RBFOX1: variants seen among roughly 807,000 people sequenced by gnomAD.
RBFOX1 encodes RNA binding fox-1 homolog 1.
Under a neutral mutation model 57.7 loss-of-function variants are expected in RBFOX1, and 8 were observed. The ratio of observed to expected loss-of-function variants is 0.14; its 90% CI spans 0.08 to 0.25. The LOEUF is 0.25. Ranked by LOEUF, RBFOX1 falls within the 10% of genes least tolerant of loss-of-function variation. The probability of loss-of-function intolerance (pLI) is 1.00; values close to 1 mark genes in which losing one functional copy is unlikely to be tolerated. For synonymous variants in RBFOX1, 326 were observed against 222.4 expected (o/e 1.47, Z -4.15); for missense variants, 611 against 548.5 (o/e 1.11, Z -1.14).
chr16:7,278,101 C>A (rs955295193), intron 4 of RBFOX1, among the ~76,000 whole-genome samples: 5 of 152,122 alleles, frequency 3.3e-5, no homozygotes, highest in African/African-American at 1.2e-4. Context: ...CTTAATGAAT[C>A]CATAGTGGTA....
intron 5 of RBFOX1, among the ~76,000 whole-genome samples, chr16:7,565,038 G>T (rs1036076286): frequency 2.0e-5 from 3 of 152,148 alleles, no homozygotes; most frequent in Admixed American, 6.5e-5. Flanking sequence ...TTTGTTTGCC[G>T]ACGGAGCTCA....
chr16:5,281,849 T>A (rs1191817183), intron 1 of RBFOX1, among the ~76,000 whole-genome samples: 1 of 152,268 alleles, frequency 6.6e-6, no homozygotes, highest in Non-Finnish European at 1.5e-5. Context: ...TAGATGTTGT[T>A]GGATCATTTT....
upstream of RBFOX1, among the ~76,000 whole-genome samples, chr16:6,017,350 A>G (rs2095000895): frequency 6.6e-6 from 1 of 152,188 alleles, no homozygotes; most frequent in Non-Finnish European, 1.5e-5. Flanking sequence ...TTTTAAATTG[A>G]GAATACCTCT....
At chr16:7,309,712 C>T (rs912332636) in intron 4 of RBFOX1, among the ~76,000 whole-genome samples, 2 of 152,192 alleles carry the variant, frequency 1.3e-5, no homozygotes, top group South Asian at 2.1e-4. Context: ...CGGGTGAAAA[C>T]AGTGTAGTTT....
chr16:6,474,359 A>G (rs2095239933), intron 2 of RBFOX1, among the ~76,000 whole-genome samples: 2 of 152,324 alleles, frequency 1.3e-5, no homozygotes, highest in South Asian at 4.1e-4. Flanking sequence ...TGAAGAGGAA[A>G]AAGACTCTTT....
chr16:5,486,643 C>T (rs2042637314), intron 2 of RBFOX1, among the ~76,000 whole-genome samples: 1 of 152,186 alleles, frequency 6.6e-6, no homozygotes, highest in Non-Finnish European at 1.5e-5. Context: ...ATTAGCTTGA[C>T]TTGTCCATCA....
At chr16:6,910,681 C>G (rs1362044376) in intron 3 of RBFOX1, among the ~76,000 whole-genome samples, 4 of 152,168 alleles carry the variant, frequency 2.6e-5, no homozygotes, top group African/African-American at 9.7e-5. Flanking sequence ...CGTGGCCCTT[C>G]TCAGCTTCAA....
rs372846528 is a variant in RBFOX1, at chr16:7,346,490, C to T, written c.28-171657C>T. Among the ~76,000 whole-genome samples the T allele has an allele frequency of 2.2e-4, 33 of 152,214 alleles. No homozygotes were observed. In the South Asian group the frequency reaches 5.6e-3, roughly 26 times the overall value. ...GCTTTCTGGCTTCACACCTTCCTCC[C>T]ATGTTAGCATTGGTTCTAAACTCCC... On this transcript the variant is annotated intron_variant, in intron 4 of 15. Coordinates refer to ENST00000550418, the MANE Select transcript of RBFOX1 (RefSeq NM_018723.4).
intron 4 of RBFOX1, among the ~76,000 whole-genome samples, chr16:5,901,433 C>T (rs756161718): frequency 3.5e-4 from 53 of 152,182 alleles, no homozygotes; most frequent in Non-Finnish European, 7.2e-4. Flanking sequence ...CTAGCTTAAG[C>T]TCAAGGTGCT....
intron 1 of RBFOX1, among the ~76,000 whole-genome samples, chr16:5,433,100 C>G (rs2067803980): frequency 6.6e-6 from 1 of 152,186 alleles, no homozygotes; most frequent in African/African-American, 2.4e-5. Context: ...AAGACAACAA[C>G]CCTGAGCTTC....
intron 2 of RBFOX1, among the ~76,000 whole-genome samples, chr16:6,574,320 C>T (rs2097391203): frequency 6.6e-6 from 1 of 151,858 alleles, no homozygotes; most frequent in South Asian, 2.1e-4. Context: ...CCCATGGCAA[C>T]AGGATAGGAG....
chr16:5,260,987 T>C (rs1389505505), intron 1 of RBFOX1: 1 of 152,256 alleles, frequency 6.6e-6, no homozygotes, highest in Non-Finnish European at 1.5e-5. Context: ...ATTTGTTTCC[T>C]CTGGAGCGGT....
At chr16:6,969,710 C>G (rs759470815) in intron 3 of RBFOX1, among the ~76,000 whole-genome samples, 98 of 152,168 alleles carry the variant, frequency 6.4e-4, no homozygotes, top group Non-Finnish European at 1.2e-3. Context: ...TGCCACCTCA[C>G]TCCAGCCTGG....
rs566516813 is a variant in RBFOX1, at chr16:6,044,851, C to G, written c.-127+24859C>G. The stretch of plus-strand genomic sequence containing the variant: ...AGCTAGGGCTTTCTCATTGTTCCCT[C>G]ATGTTTCTGTACTGTTCGCTGTTTT... On this transcript the variant is annotated intron_variant, in intron 1 of 15. Transcript: ENST00000550418. Among the ~76,000 whole-genome samples the G allele has an allele frequency of 2.0e-5, 3 of 152,328 alleles. No homozygotes were observed. The East Asian group carries it at 5.8e-4, about 29-fold the overall frequency.
At chr16:7,230,293 C>T (rs759619112) in intron 4 of RBFOX1, among the ~76,000 whole-genome samples, 1 of 152,164 alleles carries the variant, frequency 6.6e-6, no homozygotes, top group East Asian at 1.9e-4. Context: ...CCGTCGTTGT[C>T]TAGTGGACAA....
intron 10 of RBFOX1, among the ~76,000 whole-genome samples, chr16:7,617,229 C>T (rs1435416583): frequency 3.3e-5 from 5 of 152,124 alleles, no homozygotes; most frequent in Non-Finnish European, 5.9e-5. Flanking sequence ...CCCTATGATC[C>T]CTGTTTCAAC....
intron 1 of RBFOX1, among the ~76,000 whole-genome samples, chr16:6,161,872 T>G (rs938589268): frequency 1.3e-4 from 20 of 152,172 alleles, no homozygotes; most frequent in African/African-American, 4.8e-4. Flanking sequence ...AAACTTTGAG[T>G]AGGTTGAACC....
At chr16:6,403,084 G>C (rs1161748658) in intron 2 of RBFOX1, among the ~76,000 whole-genome samples, 3 of 150,530 alleles carry the variant, frequency 2.0e-5, no homozygotes, top group African/African-American at 7.3e-5. Context: ...AAAACCTTTA[G>C]TGTGGAGGTC....
chr16:6,453,636 T>A (rs2094689600), intron 2 of RBFOX1, among the ~76,000 whole-genome samples: 1 of 152,132 alleles, frequency 6.6e-6, no homozygotes, highest in South Asian at 2.1e-4. Flanking sequence ...CTTCTGAAAC[T>A]ATTTCCAAAC....
Sources: allele counts gnomAD v4.1 joint callset (sites outside exome capture counted in the v4.1 genomes callset), GRCh38; gene constraint gnomAD v4.1.1; transcripts MANE v1.5; gene names NCBI Gene and HGNC (gene_info 2026-07-23, HGNC 2026-07-21).